The following TMEM217 variants were observed in gnomAD, a reference collection of about 807,000 sequenced individuals.
TMEM217 encodes transmembrane protein 217.
For missense variants in TMEM217, 204 were observed against 248.8 expected, an observed-to-expected ratio of 0.82 and a Z score of 1.21; for synonymous variants, 76 against 88.3, an observed-to-expected ratio of 0.86 and a Z score of 0.78.
intron 1 of TMEM217, among the ~76,000 whole-genome samples, chr6:37,244,912 G>A (rs1296627582): frequency 6.6e-6 from 1 of 152,164 alleles, no homozygotes; most frequent in Admixed American, 6.5e-5. Context: ...GCTGAACTAG[G>A]ATGGCCTCAG....
At chr6:37,247,791 G>A (rs141519727) in intron 1 of TMEM217, among the ~76,000 whole-genome samples, 1 of 152,286 alleles carries the variant, frequency 6.6e-6, no homozygotes, top group African/African-American at 2.4e-5. Context: ...GAAGGAGCTT[G>A]GGTGTTTACC....
intron 1 of TMEM217, among the ~76,000 whole-genome samples, chr6:37,252,260 A>C (rs929486015): frequency 2.6e-5 from 4 of 152,180 alleles, no homozygotes; most frequent in Non-Finnish European, 5.9e-5. Flanking sequence ...ATGTAACATA[A>C]AGTTCAAATT....
rs114230916 is a variant in TMEM217, at chr6:37,250,948, G to A, written c.-12+6620C>T. ...TTAATCACCAATATGATGGTATTACGCGGTAAGGTATTTGGGAGGTGATGA... is the reference window on the plus strand; with the variant it reads ...TTAATCACCAATATGATGGTATTACACGGTAAGGTATTTGGGAGGTGATGA... On this transcript the variant is annotated intron_variant, in intron 1 of 1. Transcript: ENST00000357219. Among the ~76,000 whole-genome samples the A allele has an allele frequency of 5.6e-3, 856 of 152,248 alleles. 7 individuals are homozygous for A. Among genetic ancestry groups the A allele is most frequent in the African/African-American group, 0.019 (788 of 41,540 alleles).
rs149087532 is a variant in TMEM217, at chr6:37,250,248, A to C, written c.-12+7320T>G. Among the ~76,000 whole-genome samples, 3 of 152,366 alleles carry C rather than the reference A, an allele frequency of 2.0e-5. No individual in the cohort carries two copies. In the East Asian group the frequency reaches 5.8e-4, roughly 29 times the overall value. ...TAATACAAAATTCTGCAGAGTGGTT[A>C]CATCTGAAAGAGAGAGAAAAGGGGA... is the stretch of plus-strand genomic sequence containing the variant. On this transcript the variant is annotated intron_variant, in intron 1 of 1. Coordinates refer to ENST00000357219, the Ensembl canonical transcript of TMEM217.
intron 1 of TMEM217, among the ~76,000 whole-genome samples, chr6:37,251,817 G>C (rs1244126372): frequency 2.0e-5 from 3 of 152,138 alleles, no homozygotes; most frequent in African/African-American, 7.2e-5. Flanking sequence ...TATTGCAGGA[G>C]ATGGCAAATT....
chr6:37,221,863 G>A (rs1763540651), intron 1 of TMEM217, among the ~76,000 whole-genome samples: 1 of 152,200 alleles, frequency 6.6e-6, no homozygotes, highest in African/African-American at 2.4e-5. Flanking sequence ...GGCAAGTCAT[G>A]CTAATATCTG....
chr6:37,224,726 G>A (rs903913185), intron 1 of TMEM217, among the ~76,000 whole-genome samples: 2 of 152,112 alleles, frequency 1.3e-5, no homozygotes, highest in Non-Finnish European at 2.9e-5. Context: ...GAGCAGCTGG[G>A]ATTACAGGAG....
intron 1 of TMEM217, among the ~76,000 whole-genome samples, chr6:37,256,062 T>A (rs1765708688): frequency 6.6e-6 from 1 of 152,236 alleles, no homozygotes; most frequent in Non-Finnish European, 1.5e-5. Context: ...ACACAAATCA[T>A]ACTTTGCTTT....
intron 1 of TMEM217, among the ~76,000 whole-genome samples, chr6:37,250,963 G>C (rs138756851): frequency 2.0e-5 from 3 of 152,290 alleles, no homozygotes; most frequent in East Asian, 3.9e-4. Flanking sequence ...AAGGTATTTG[G>C]GAGGTGATGA....
chr6:37,230,430 G>A (rs1037181835), intron 1 of TMEM217, among the ~76,000 whole-genome samples: 4 of 152,138 alleles, frequency 2.6e-5, no homozygotes, highest in East Asian at 1.9e-4. Context: ...ATCCTAACCC[G>A]CAGCACTGCA....
chr6:37,224,554 C>T (rs1289288521), intron 1 of TMEM217, among the ~76,000 whole-genome samples: 3 of 151,632 alleles, frequency 2.0e-5, no homozygotes, highest in African/African-American at 4.8e-5. Flanking sequence ...GCCAAGATCA[C>T]ACCACTGCAC....
Position 37,218,524 on chromosome 6 carries a change from AATTCG to A in TMEM217, c.502_506del (p.Arg168PhefsTer11). The A allele has an allele frequency of 6.2e-7, 1 of 1,614,110 alleles. No homozygotes were observed. Among genetic ancestry groups the A allele is most frequent in the Non-Finnish European group, 8.5e-7 (1 of 1,180,036 alleles). On this transcript the variant is annotated frameshift_variant, in exon 2 of 2. Transcript: ENST00000357219. LOFTEE classifies it low-confidence loss of function (END_TRUNC). Reference sequence around the variant, plus strand: ...TGCTGTGGAGAATCTCCGCTGTAGAAATTCGTCTCTTGTAGGAAATTATATTGCCC... The same window carrying A: ...TGCTGTGGAGAATCTCCGCTGTAGAATCTCTTGTAGGAAATTATATTGCCC...
intron 1 of TMEM217, among the ~76,000 whole-genome samples, chr6:37,230,635 T>G (rs1264200442): frequency 6.6e-6 from 1 of 151,946 alleles, no homozygotes; most frequent in African/African-American, 2.4e-5. Context: ...GAAAAAAGCC[T>G]CAAAAAAACC....
chr6:37,243,172 T>C (rs1460132201), intron 1 of TMEM217, among the ~76,000 whole-genome samples: 2 of 152,194 alleles, frequency 1.3e-5, no homozygotes, highest in African/African-American at 2.4e-5. Context: ...CACGGAGATG[T>C]TGTCCCATTA....
chr6:37,232,138 A>T (rs770446833), intron 1 of TMEM217, among the ~76,000 whole-genome samples: 1 of 152,128 alleles, frequency 6.6e-6, no homozygotes, highest in Non-Finnish European at 1.5e-5. Flanking sequence ...TTTATTCTTA[A>T]ATCTGGGCTA....
intron 1 of TMEM217, among the ~76,000 whole-genome samples, chr6:37,232,379 T>C (rs1475810521): frequency 6.6e-6 from 1 of 152,110 alleles, no homozygotes; most frequent in African/African-American, 2.4e-5. Context: ...TTTTCTGTTT[T>C]GTTTTGTTTT....
At chr6:37,237,373 C>A (rs1357628113) in intron 1 of TMEM217, among the ~76,000 whole-genome samples, 2 of 152,154 alleles carry the variant, frequency 1.3e-5, no homozygotes, top group Admixed American at 6.5e-5. Flanking sequence ...CTGTGTGCAC[C>A]AAGACCCCAT....
chr6:37,250,179 A>G (rs1379369321), intron 1 of TMEM217, among the ~76,000 whole-genome samples: 1 of 152,242 alleles, frequency 6.6e-6, no homozygotes, highest in Non-Finnish European at 1.5e-5. Flanking sequence ...TATGTTACTT[A>G]AGGTTACAAA....
intron 1 of TMEM217, among the ~76,000 whole-genome samples, chr6:37,236,403 G>A (rs1764504671): frequency 6.6e-6 from 1 of 152,138 alleles, no homozygotes; most frequent in African/African-American, 2.4e-5. Context: ...ATGAGCATGT[G>A]TATTTTTTTG....
Sources: allele counts gnomAD v4.1 joint callset (sites outside exome capture counted in the v4.1 genomes callset), GRCh38; gene constraint gnomAD v4.1.1; transcripts MANE v1.5; gene names NCBI Gene and HGNC (gene_info 2026-07-23, HGNC 2026-07-21).